NEMP2: variants seen among roughly 807,000 people sequenced by gnomAD.
NEMP2 encodes the protein UPF0571 transmembrane protein.
In NEMP2, 53 loss-of-function variants were observed where a neutral mutation model predicts 54.2. The observed-to-expected ratio is 0.98, with a 90% confidence interval of 0.78 to 1.23. NEMP2 has a LOEUF of 1.23. Among genes scored for constraint, NEMP2 ranks in the 50% most tolerant of loss-of-function variants. NEMP2 has a pLI of 0.00. For missense variants in NEMP2, 455 were observed against 511.3 expected (o/e 0.89, Z 1.06); for synonymous variants, 197 against 190.3 (o/e 1.04, Z -0.29).
At chr2:190,620,837 AG>A in the NEMP2 span, among the ~76,000 whole-genome samples, 1 of 152,248 alleles carries the variant, frequency 6.6e-6, no homozygotes, top group African/African-American at 2.4e-5. The surrounding 1 kb of genome is among the most constrained non-coding windows in gnomAD (Gnocchi z 4.9). Flanking sequence ...CTTTATTTAC[AG>A]ATGGCATAAT....
chr2:190,449,900 A>G, the NEMP2 span, among the ~76,000 whole-genome samples: 38 of 152,264 alleles, frequency 2.5e-4, no homozygotes, highest in South Asian at 1.7e-3. Context: ...GCTTTAGGAG[A>G]TATACCTAAT....
chr2:190,531,455 C>G lies in NEMP2; in HGVS notation c.97+3104G>C, dbSNP rs192437876. Reference sequence around the variant, plus strand: ...AACTTCTTGCAATCCTCAGCAGGCTCTTTGATGCTTTCAATTAACCTGACT... The same window carrying G: ...AACTTCTTGCAATCCTCAGCAGGCTGTTTGATGCTTTCAATTAACCTGACT... On this transcript the variant is annotated intron_variant, in intron 1 of 8. Transcript: ENST00000409150. This position sits in a 1 kb window ranked among gnomAD's most constrained non-coding sequence, Gnocchi z 4.7. 6.6e-6 allele frequency among the ~76,000 whole-genome samples: 1 copy of G among 152,326 alleles called. No individual in the cohort carries two copies. The highest frequency in any genetic ancestry group is 2.4e-5 in the African/African-American group (1 of 41,574).
the NEMP2 span, chr2:190,437,253 C>A: frequency 8.1e-6 from 13 of 1,614,040 alleles, no homozygotes; most frequent in Non-Finnish European, 1.1e-5. The surrounding 1 kb of genome is among the most constrained non-coding windows in gnomAD (Gnocchi z 5.9). Context: ...AGGTGGAGAT[C>A]CCGCAGGTGG....
the NEMP2 span, chr2:190,608,920 A>G: frequency 4.6e-5 from 7 of 152,196 alleles, no homozygotes; most frequent in Middle Eastern, 3.2e-3. This position sits in a 1 kb window ranked among gnomAD's most constrained non-coding sequence, Gnocchi z 4.9. Flanking sequence ...GAAAATATAT[A>G]TAGGGTCTGG....
rs144335045 is a variant in NEMP2, at chr2:190,512,070, A to G, written c.954-1533T>C. 4.6e-5 allele frequency among the ~76,000 whole-genome samples: 7 copies of G among 152,080 alleles called. No individual in the cohort carries two copies. Among genetic ancestry groups the G allele is most frequent in the Admixed American group, 4.6e-4 (7 of 15,286 alleles). On this transcript the variant is annotated intron_variant, in intron 7 of 8. Coordinates refer to ENST00000409150, the MANE Select transcript of NEMP2 (RefSeq NM_001142645.2). The surrounding 1 kb of genome is among the most constrained non-coding windows in gnomAD (Gnocchi z 4.5). ...AGTTGATGAGCTAGATCAAGGAAAC[A>G]GTGATATAATCTCCTTCTGCTTTTC...
At chr2:190,541,369 C>G in the NEMP2 span, among the ~76,000 whole-genome samples, 7 of 152,130 alleles carry the variant, frequency 4.6e-5, no homozygotes, top group East Asian at 1.4e-3. The surrounding 1 kb of genome is among the most constrained non-coding windows in gnomAD (Gnocchi z 5.2). Flanking sequence ...ATGTTTATTG[C>G]TATAAACTTT....
chr2:190,490,093 GTTTGTT>G, the NEMP2 span, among the ~76,000 whole-genome samples: 3 of 141,168 alleles, frequency 2.1e-5, no homozygotes, highest in South Asian at 7.2e-4. This position sits in a 1 kb window ranked among gnomAD's most constrained non-coding sequence, Gnocchi z 4.5. Context: ...TTTTTTGTTT[GTTTGTT>G]TTCTTTTATA....
chr2:190,425,579 A>G, the NEMP2 span, among the ~76,000 whole-genome samples: 2 of 152,146 alleles, frequency 1.3e-5, no homozygotes, highest in African/African-American at 4.8e-5. This position sits in a 1 kb window ranked among gnomAD's most constrained non-coding sequence, Gnocchi z 4.3. Flanking sequence ...TATTTTATCA[A>G]GTGTTTTTCT....
chr2:190,642,507 T>C, the NEMP2 span, among the ~76,000 whole-genome samples: 3 of 152,178 alleles, frequency 2.0e-5, no homozygotes, highest in Non-Finnish European at 4.4e-5. This position sits in a 1 kb window ranked among gnomAD's most constrained non-coding sequence, Gnocchi z 4.1. Flanking sequence ...AGTTATTATA[T>C]ATTCCTATTA....
chr2:190,565,321 G>A, the NEMP2 span, among the ~76,000 whole-genome samples: 2 of 152,166 alleles, frequency 1.3e-5, no homozygotes, highest in Non-Finnish European at 2.9e-5. Flanking sequence ...CCTACACAAT[G>A]AAAGCACTAT....
rs568528992 is a variant in NEMP2 at position 190,509,768 on chromosome 2, G to A, written c.1131-456C>T. ...TAAAAATGATTTTCCAGCTGGGTGC[G>A]GTGGCTCATGCCTGTAATCCCAGCA... On this transcript the variant is annotated intron_variant, in intron 8 of 8. Coordinates refer to ENST00000409150, the MANE Select transcript of NEMP2 (RefSeq NM_001142645.2). This position sits in a 1 kb window ranked among gnomAD's most constrained non-coding sequence, Gnocchi z 6.1. Among the ~76,000 whole-genome samples, 247 of 152,290 alleles carry A rather than the reference G, an allele frequency of 1.6e-3. 2 individuals are homozygous for A. The highest frequency in any genetic ancestry group is 0.011 in the South Asian group (55 of 4,826).
the NEMP2 span, among the ~76,000 whole-genome samples, chr2:190,422,568 C>T: frequency 6.6e-6 from 1 of 152,142 alleles, no homozygotes; most frequent in Non-Finnish European, 1.5e-5. Flanking sequence ...GTTGAGATAT[C>T]TGAAGCCATT....
chr2:190,606,568 C>T, the NEMP2 span, among the ~76,000 whole-genome samples: 165 of 152,124 alleles, frequency 1.1e-3, 2 homozygotes, highest in African/African-American at 3.6e-3. Flanking sequence ...AAAAATTAGC[C>T]GGGTGTGGTG....
intron 1 of NEMP2, among the ~76,000 whole-genome samples, chr2:190,526,704 T>C (rs1260059645): frequency 1.3e-5 from 2 of 152,098 alleles, no homozygotes; most frequent in Non-Finnish European, 2.9e-5. Flanking sequence ...TAAGAAATAC[T>C]AGAAAAAAAG....
In NEMP2 at chr2:190,533,213, A is replaced by G. The variant is rs1016320310; in HGVS notation, c.97+1346T>C. ...ACCACAAGTTGTGGCTGAAGGAATGAGTGGTCTAGAACCCAAGGTGCTGGG... is the reference window on the plus strand; with the variant it reads ...ACCACAAGTTGTGGCTGAAGGAATGGGTGGTCTAGAACCCAAGGTGCTGGG... On this transcript the variant is annotated intron_variant, in intron 1 of 8. Transcript: ENST00000409150. The surrounding 1 kb of genome is among the most constrained non-coding windows in gnomAD (Gnocchi z 4.3). 2.0e-5 allele frequency among the ~76,000 whole-genome samples: 3 copies of G among 152,220 alleles called. No homozygotes were observed. The highest frequency in any genetic ancestry group is 6.5e-5 in the Admixed American group (1 of 15,288).
the NEMP2 span, among the ~76,000 whole-genome samples, chr2:190,480,443 T>A: frequency 7.9e-4 from 120 of 152,348 alleles, no homozygotes; most frequent in African/African-American, 2.7e-3. Context: ...CTCAAAAACT[T>A]ATTAAGTATC....
chr2:190,490,204 T>C, the NEMP2 span, among the ~76,000 whole-genome samples: 1 of 151,924 alleles, frequency 6.6e-6, no homozygotes, highest in Non-Finnish European at 1.5e-5. The surrounding 1 kb of genome is among the most constrained non-coding windows in gnomAD (Gnocchi z 4.5). Context: ...TATACAGTCA[T>C]TTTGCTACTA....
At chr2:190,614,840 A>G in the NEMP2 span, among the ~76,000 whole-genome samples, 1 of 152,314 alleles carries the variant, frequency 6.6e-6, no homozygotes, top group East Asian at 1.9e-4. The surrounding 1 kb of genome is among the most constrained non-coding windows in gnomAD (Gnocchi z 5.7). Flanking sequence ...TAGGAAAACA[A>G]TAGGCTCCCA....
chr2:190,552,944 C>T, the NEMP2 span, among the ~76,000 whole-genome samples: 1 of 151,260 alleles, frequency 6.6e-6, no homozygotes, highest in Non-Finnish European at 1.5e-5. Flanking sequence ...TGTCCTAGAA[C>T]CAGTTAAAAA....
Sources: allele counts gnomAD v4.1 joint callset (sites outside exome capture counted in the v4.1 genomes callset), GRCh38; gene constraint gnomAD v4.1.1; non-coding constraint Gnocchi (gnomAD v3.1); transcripts MANE v1.5; gene names NCBI Gene and HGNC (gene_info 2026-07-23, HGNC 2026-07-21).